The following CADPS2 variants were observed in gnomAD, a reference collection of about 807,000 sequenced individuals.
CADPS2 encodes the protein calcium-dependent secretion activator 2.
A neutral mutation model predicts 172.5 loss-of-function variants in CADPS2; 93 were observed. The observed-to-expected ratio is 0.54, with a 90% CI of 0.46 to 0.64. The LOEUF (loss-of-function observed/expected upper bound fraction) is 0.64, where lower values mean the gene tolerates loss of function less well. CADPS2 is among the 30% of genes least tolerant of loss of function. The pLI, the probability that CADPS2 is intolerant of heterozygous loss-of-function variation, is 0.00. For synonymous variants in CADPS2, 546 were observed against 555.2 expected, an observed-to-expected ratio of 0.98 and a Z score of 0.23; for missense variants, 1,420 against 1,565.9, an observed-to-expected ratio of 0.91 and a Z score of 1.57.
chr7:122,664,412 GAAAAT>G (rs1261517291), intron 2 of CADPS2, among the ~76,000 whole-genome samples: 3 of 151,472 alleles, frequency 2.0e-5, no homozygotes, highest in African/African-American at 2.4e-5. Context: ...ATTACTACTG[GAAAAT>G]AAAATAAAAT....
At chr7:122,353,627 C>T (rs2038978578) in intron 27 of CADPS2, among the ~76,000 whole-genome samples, 1 of 152,124 alleles carries the variant, frequency 6.6e-6, no homozygotes, top group South Asian at 2.1e-4. Context: ...CAACATACAT[C>T]CTTAAACCCC....
intron 14 of CADPS2, among the ~76,000 whole-genome samples, chr7:122,467,004 A>G (rs1411647184): frequency 6.6e-6 from 1 of 152,138 alleles, no homozygotes. Context: ...GGTGAGTATA[A>G]ATATTGCTAG....
chr7:122,782,694 T>C (rs1205669891), intron 1 of CADPS2, among the ~76,000 whole-genome samples: 1 of 152,236 alleles, frequency 6.6e-6, no homozygotes, highest in African/African-American at 2.4e-5. Flanking sequence ...GATAAAATTA[T>C]AGCACATCAA....
intron 14 of CADPS2, among the ~76,000 whole-genome samples, chr7:122,463,867 T>A (rs2054784658): frequency 6.6e-6 from 1 of 152,110 alleles, no homozygotes; most frequent in Non-Finnish European, 1.5e-5. Context: ...GTTGAAAAGA[T>A]AAGTTAAAGA....
At chr7:122,358,926 G>A (rs1192531529) in intron 27 of CADPS2, among the ~76,000 whole-genome samples, 5 of 152,062 alleles carry the variant, frequency 3.3e-5, no homozygotes, top group Admixed American at 6.5e-5. Flanking sequence ...TTAGTAACTG[G>A]CATGATGAAG....
chr7:122,788,959 A>G (rs1002709652), intron 1 of CADPS2, among the ~76,000 whole-genome samples: 1 of 152,184 alleles, frequency 6.6e-6, no homozygotes, highest in African/African-American at 2.4e-5. Flanking sequence ...TTCAACACTT[A>G]GAACACCTTG....
chr7:122,694,726 A>C (rs1390662368), intron 2 of CADPS2, among the ~76,000 whole-genome samples: 1 of 152,240 alleles, frequency 6.6e-6, no homozygotes, highest in Non-Finnish European at 1.5e-5. Flanking sequence ...ATTAATTTAT[A>C]ATCTTTATTT....
intron 25 of CADPS2, among the ~76,000 whole-genome samples, chr7:122,373,071 C>T (rs2041957631): frequency 1.3e-5 from 2 of 152,146 alleles, no homozygotes; most frequent in African/African-American, 4.8e-5. Flanking sequence ...AATAAAGTCA[C>T]AAATGTACAG....
At chr7:122,404,599 A>G (rs1159365752) in intron 20 of CADPS2, among the ~76,000 whole-genome samples, 1 of 152,192 alleles carries the variant, frequency 6.6e-6, no homozygotes, top group African/African-American at 2.4e-5. Context: ...ACTAGTTTAC[A>G]GTCCCGCCAA....
chr7:122,324,124 A>G (rs527279877), intron 29 of CADPS2, among the ~76,000 whole-genome samples: 40 of 152,034 alleles, frequency 2.6e-4, no homozygotes, highest in Admixed American at 2.0e-3. Flanking sequence ...ATTGACATGT[A>G]ATGTGTAGCT....
At chr7:122,476,012 A>G (rs1362581348) in intron 12 of CADPS2, among the ~76,000 whole-genome samples, 2 of 152,168 alleles carry the variant, frequency 1.3e-5, no homozygotes, top group East Asian at 3.8e-4. Flanking sequence ...GTCTTTTAAT[A>G]GAAAGTTAAA....
chr7:122,825,472 A>C (rs2428905), intron 1 of CADPS2, among the ~76,000 whole-genome samples: 1 of 152,124 alleles, frequency 6.6e-6, no homozygotes, highest in Non-Finnish European at 1.5e-5. Flanking sequence ...ATAAAATTAA[A>C]ATGGGAAAAA....
intron 14 of CADPS2, among the ~76,000 whole-genome samples, chr7:122,457,807 C>T (rs2053969896): frequency 6.6e-6 from 1 of 152,148 alleles, no homozygotes; most frequent in Non-Finnish European, 1.5e-5. Context: ...TTTATAATCC[C>T]TAGGCTTTAT....
At chr7:122,676,852 G>C in intron 2 of CADPS2, 1 of 526,520 alleles carries the variant, frequency 1.9e-6, no homozygotes. Flanking sequence ...TTTTTTTCCA[G>C]GTCACTTTGT....
chr7:122,839,382 G>A lies in CADPS2; in HGVS notation c.339+46617C>T, dbSNP rs1372363974. Among the ~76,000 whole-genome samples, 46 of 152,258 alleles carry A rather than the reference G, an allele frequency of 3.0e-4. No homozygotes were observed. In the East Asian group the frequency reaches 8.3e-3, roughly 27 times the overall value. On this transcript the variant is annotated intron_variant, in intron 1 of 29. Coordinates refer to ENST00000449022, the MANE Select transcript of CADPS2 (RefSeq NM_017954.11). ...ACATAGGCATGGGCAAGGACTTCAT[G>A]TCTAAAACACCAAAAGCAATGGCAA...
chr7:122,781,378 A>C (rs1374792314), intron 1 of CADPS2, among the ~76,000 whole-genome samples: 1 of 152,098 alleles, frequency 6.6e-6, no homozygotes, highest in Non-Finnish European at 1.5e-5. Flanking sequence ...CAAAAGACTT[A>C]TTTGACAAAC....
intron 12 of CADPS2, among the ~76,000 whole-genome samples, chr7:122,476,723 C>T: frequency 6.6e-6 from 1 of 152,086 alleles, no homozygotes; most frequent in East Asian, 1.9e-4. Flanking sequence ...AGAAAATCAA[C>T]AACCTTCAAT....
chr7:122,382,907 AAAGAACTT>A, intron 24 of CADPS2, among the ~76,000 whole-genome samples: 1 of 152,304 alleles, frequency 6.6e-6, no homozygotes, highest in East Asian at 1.9e-4. Context: ...AAGATTTCTC[AAAGAACTT>A]AAGACAGAGC....
chr7:122,537,403 TTC>T (rs2131483104), intron 8 of CADPS2, among the ~76,000 whole-genome samples: 1 of 151,832 alleles, frequency 6.6e-6, no homozygotes, highest in African/African-American at 2.4e-5. Context: ...ATGAAGAAGA[TTC>T]TTTCTTATGC....
Sources: gnomAD v4.1 joint callset for allele counts (sites outside exome capture counted in the v4.1 genomes callset) on GRCh38, gnomAD v4.1.1 for gene constraint, MANE v1.5 for transcripts, NCBI Gene and HGNC (gene_info 2026-07-23, HGNC 2026-07-21) for gene names.